Variants in SRGAP1 observed in about 807,000 individuals in gnomAD.
The protein encoded by SRGAP1 is SLIT-ROBO Rho GTPase activating protein 1.
A neutral mutation model predicts 121.9 loss-of-function variants in SRGAP1; 43 were observed. That is an observed-to-expected ratio of 0.35 (90% CI 0.28 to 0.46). The LOEUF is 0.46. SRGAP1 is among the 20% of genes least tolerant of loss of function. The pLI, the probability that SRGAP1 is intolerant of heterozygous loss-of-function variation, is 1.00. For synonymous variants in SRGAP1, 447 were observed against 485.4 expected (o/e 0.92, Z 1.04); for missense variants, 1,102 against 1,350.9 (o/e 0.82, Z 2.89).
chr12:64,080,356 G>A lies in SRGAP1; in HGVS notation c.1394G>A (p.Arg465Lys). Residue 465 changes from arginine (R) to lysine (K), a missense_variant, in exon 10 of 22, where the codon AGG (arginine) becomes AAG (lysine). By Grantham distance (26) the Arg-to-Lys change is conservative. Transcript: ENST00000355086. ...CAAGCCAAACATGACTTGCTGCAGA[G>A]GACCCTGGGAGAAGGTGAGTTATCC... ...KLQAKHDLLQRTLGEGHRAEY... is the reference protein window; with the variant it reads ...KLQAKHDLLQKTLGEGHRAEY... 1.2e-6 allele frequency: 2 copies of A among 1,613,500 alleles called. No individual in the cohort carries two copies. Among genetic ancestry groups the A allele is most frequent in the Non-Finnish European group, 1.7e-6 (2 of 1,179,634 alleles).
intron 17 of SRGAP1, among the ~76,000 whole-genome samples, chr12:64,113,169 A>G (rs2036458038): frequency 6.6e-6 from 1 of 151,938 alleles, no homozygotes. Flanking sequence ...GCACTTTGGG[A>G]GGCTGAGGCA....
chr12:63,927,727 G>A (rs564512577), intron 1 of SRGAP1, among the ~76,000 whole-genome samples: 2 of 152,044 alleles, frequency 1.3e-5, no homozygotes, highest in African/African-American at 4.8e-5. Context: ...AGAGGTAGTT[G>A]CTCTCACCTG....
intron 18 of SRGAP1, among the ~76,000 whole-genome samples, chr12:64,125,553 A>G (rs1177618064): frequency 6.6e-6 from 1 of 152,174 alleles, no homozygotes; most frequent in African/African-American, 2.4e-5. Context: ...ATTTTTTTCC[A>G]TGTTATAAAT....
At chr12:63,920,555 T>C (rs560115243) in intron 1 of SRGAP1, among the ~76,000 whole-genome samples, 1 of 152,242 alleles carries the variant, frequency 6.6e-6, no homozygotes, top group African/African-American at 2.4e-5. Context: ...GGAATGTGAT[T>C]TGATTAATGT....
chr12:64,086,494 T>A (rs181239388), intron 10 of SRGAP1, among the ~76,000 whole-genome samples: 11 of 152,282 alleles, frequency 7.2e-5, no homozygotes, highest in African/African-American at 2.6e-4. Context: ...CATTTCTGAT[T>A]ACAGAATACA....
At chr12:63,859,419 A>T (rs1899369660) in intron 1 of SRGAP1, among the ~76,000 whole-genome samples, 1 of 152,044 alleles carries the variant, frequency 6.6e-6, no homozygotes, top group Non-Finnish European at 1.5e-5. Flanking sequence ...CACTCGCCTC[A>T]GCCTCCTAAA....
At chr12:64,140,792 A>G (rs1281893787) in intron 21 of SRGAP1, among the ~76,000 whole-genome samples, 1 of 134,128 alleles carries the variant, frequency 7.5e-6, no homozygotes, top group South Asian at 2.9e-4. Flanking sequence ...AAAGGACTAT[A>G]AATCATGCTG....
rs2037164363 is a variant in SRGAP1, at chr12:64,156,350, T to C, written c.*13678T>C. On this transcript the variant is annotated 3_prime_UTR_variant, in exon 22 of 22. Coordinates refer to ENST00000355086, the MANE Select transcript of SRGAP1 (RefSeq NM_020762.4). ...TGAATGAATATTTTTAATAAATTTGTAGATGTTAATATGATTTACTTATTT... is the reference window on the plus strand; with the variant it reads ...TGAATGAATATTTTTAATAAATTTGCAGATGTTAATATGATTTACTTATTT... 6.6e-6 allele frequency: 1 copy of C among 152,256 alleles called. No individual in the cohort carries two copies. The highest frequency in any genetic ancestry group is 6.5e-5 in the Admixed American group (1 of 15,292). The allele number at this position is 152,256 out of a possible 1,614,324, so 9.4% of individuals were successfully genotyped here. A position where few individuals can be genotyped will look rare whatever the true frequency, so the allele number is the denominator to read the frequency against.
chr12:64,127,757 C>T (rs374105525), intron 20 of SRGAP1, 33 bp downstream of exon 20: 1 of 1,611,128 alleles, frequency 6.2e-7, no homozygotes, highest in Non-Finnish European at 8.5e-7. Flanking sequence ...GCCCCTAAGC[C>T]TCCGCTCCTC....
chr12:64,003,318 C>G (rs2033967470), intron 3 of SRGAP1, among the ~76,000 whole-genome samples: 1 of 151,902 alleles, frequency 6.6e-6, no homozygotes, highest in Non-Finnish European at 1.5e-5. Context: ...AACTCCTAGG[C>G]TCAAGTGATC....
chr12:64,132,165 C>T (rs562851972), intron 21 of SRGAP1, among the ~76,000 whole-genome samples: 1 of 152,188 alleles, frequency 6.6e-6, no homozygotes, highest in Non-Finnish European at 1.5e-5. Flanking sequence ...CAGACAGAGA[C>T]TCCATCTCAA....
chr12:64,089,181 C>T (rs939456556), intron 11 of SRGAP1, among the ~76,000 whole-genome samples: 4 of 152,162 alleles, frequency 2.6e-5, no homozygotes, highest in African/African-American at 9.7e-5. Context: ...CTGACACTCA[C>T]GGCCACTATT....
chr12:63,895,859 C>T (rs1360796697), intron 1 of SRGAP1, among the ~76,000 whole-genome samples: 1 of 152,202 alleles, frequency 6.6e-6, no homozygotes, highest in Non-Finnish European at 1.5e-5. Context: ...AATAGTGTCT[C>T]AAATTCTTTT....
intron 7 of SRGAP1, among the ~76,000 whole-genome samples, chr12:64,064,127 C>T (rs1428971006): frequency 6.6e-6 from 1 of 152,042 alleles, no homozygotes; most frequent in Non-Finnish European, 1.5e-5. Flanking sequence ...ATATGTTAAG[C>T]ATGGCATGTT....
chr12:64,058,669 C>G (rs1006743669), intron 6 of SRGAP1, among the ~76,000 whole-genome samples: 2 of 152,134 alleles, frequency 1.3e-5, no homozygotes, highest in Non-Finnish European at 2.9e-5. Context: ...ACTAAATGCA[C>G]TTGGGCTATA....
chr12:64,020,987 G>A (rs372390851), intron 4 of SRGAP1, among the ~76,000 whole-genome samples: 1 of 149,554 alleles, frequency 6.7e-6, no homozygotes. Context: ...AGTGCAGGCC[G>A]GGTATGGAGG....
At chr12:63,927,596 T>G (rs1350751821) in intron 1 of SRGAP1, among the ~76,000 whole-genome samples, 1 of 152,202 alleles carries the variant, frequency 6.6e-6, no homozygotes, top group Non-Finnish European at 1.5e-5. Flanking sequence ...TACTGTAACC[T>G]AAGCCTAGAA....
rs1592361640 is a variant in SRGAP1, at chr12:64,143,882, C to A, written c.*1210C>A. On this transcript the variant is annotated 3_prime_UTR_variant, in exon 22 of 22. Coordinates refer to ENST00000355086, the MANE Select transcript of SRGAP1 (RefSeq NM_020762.4). ...GCCAACCCTGAACTGGCCCTGGTAC[C>A]TGAGTAAGAGCCATGCAGGGCCATC... is the stretch of plus-strand genomic sequence containing the variant. The A allele has an allele frequency of 6.6e-6, 1 of 152,350 alleles. No homozygotes were observed. The highest frequency in any genetic ancestry group is 1.9e-4 in the East Asian group (1 of 5,190). 9.4% of individuals were successfully genotyped at this position (152,350 alleles called of 1,614,324 possible). A position where few individuals can be genotyped will look rare whatever the true frequency, so the allele number is the denominator to read the frequency against.
intron 15 of SRGAP1, among the ~76,000 whole-genome samples, chr12:64,107,075 G>A (rs566627533): frequency 1.3e-5 from 2 of 152,310 alleles, no homozygotes; most frequent in African/African-American, 4.8e-5. Context: ...TTAAAGGTGG[G>A]AATGGAAGTG....
Sources: gnomAD v4.1 joint callset for allele counts (sites outside exome capture counted in the v4.1 genomes callset) on GRCh38, gnomAD v4.1.1 for gene constraint, MANE v1.5 for transcripts, NCBI Gene and HGNC (gene_info 2026-07-23, HGNC 2026-07-21) for gene names.